KNTC1: variants seen among roughly 807,000 people sequenced by gnomAD.
The protein encoded by KNTC1 is kinetochore-associated protein 1.
KNTC1 carries 253 observed loss-of-function variants against 314.4 expected under a neutral mutation model. The observed-to-expected ratio is 0.80, with a 90% confidence interval of 0.73 to 0.89. The LOEUF (loss-of-function observed/expected upper bound fraction) is 0.89, where lower values mean the gene tolerates loss of function less well. Ranked by LOEUF, KNTC1 falls within the 40% of genes least tolerant of loss-of-function variation. The pLI is 0.00. For missense variants in KNTC1, 2,475 were observed against 2,572.9 expected (o/e 0.96, Z 0.82); for synonymous variants, 901 against 901.4 (o/e 1.00, Z 0.01).
intron 52 of KNTC1, among the ~76,000 whole-genome samples, chr12:122,610,576 A>C (rs540215442): frequency 6.6e-6 from 1 of 152,356 alleles, no homozygotes; most frequent in East Asian, 1.9e-4. Context: ...TTGACTAGCT[A>C]TTCTATAGAT....
At chr12:122,605,836 A>G (rs1355807397) in intron 51 of KNTC1, among the ~76,000 whole-genome samples, 1 of 151,410 alleles carries the variant, frequency 6.6e-6, no homozygotes, top group African/African-American at 2.4e-5. Context: ...GAGCCACTGC[A>G]CCTGGCCTCT....
intron 16 of KNTC1, among the ~76,000 whole-genome samples, chr12:122,554,076 A>AAAAAAAATATATATATATATAT (rs370146333): frequency 4.6e-5 from 5 of 109,046 alleles, no homozygotes; most frequent in African/African-American, 1.9e-4. Flanking sequence ...AAAAAAAAAA[A>AAAAAAAATATATATATATATAT]ATATATATAT....
chr12:122,590,285 C>T (rs1869999998), intron 40 of KNTC1, among the ~76,000 whole-genome samples: 2 of 151,682 alleles, frequency 1.3e-5, no homozygotes, highest in Admixed American at 6.6e-5. Flanking sequence ...GCTCTTTACC[C>T]CTAAATATTT....
intron 33 of KNTC1, among the ~76,000 whole-genome samples, chr12:122,581,801 T>C (rs956834776): frequency 6.6e-6 from 1 of 152,234 alleles, no homozygotes; most frequent in African/African-American, 2.4e-5. Flanking sequence ...GGATGCATTA[T>C]TAATTTTGTT....
chr12:122,621,943 G>A lies in KNTC1; in HGVS notation c.6342G>A (p.Thr2114=), dbSNP rs369999171. Residue 2114 remains threonine, a synonymous_variant, in exon 61 of 64, where the codon ACG becomes ACA. Transcript: ENST00000333479. The part of the protein sequence containing the change: ...ILKQLEEHMN[T]GQLAGFSHQI... The stretch of plus-strand genomic sequence containing the variant: ...AGCAATTGGAAGAGCATATGAACAC[G>A]GGCCAGCTAGCAGGATTTTCACATC... 1.1e-5 allele frequency: 18 copies of A among 1,608,402 alleles called. No homozygotes were observed. Among genetic ancestry groups the A allele is most frequent in the African/African-American group, 6.7e-5 (5 of 74,902 alleles).
intron 4 of KNTC1, among the ~76,000 whole-genome samples, chr12:122,539,459 G>T (rs1220552603): frequency 6.6e-6 from 1 of 152,176 alleles, no homozygotes; most frequent in African/African-American, 2.4e-5. Flanking sequence ...CTTAGGCCAG[G>T]TTTAGTAGGC....
At position 122,588,965 on chromosome 12, in the gene KNTC1, A is replaced by T. The variant is rs528951837; in HGVS notation, c.3999+149A>T. On this transcript the variant is annotated intron_variant, in intron 40 of 63. Coordinates refer to ENST00000333479, the MANE Select transcript of KNTC1 (RefSeq NM_014708.6). ...GAAACTGTCTTATAGCTAATCAATT[A>T]TATTTTTATTATGGTAATTGACATG... The T allele has an allele frequency of 6.3e-5, 28 of 446,108 alleles. 3 individuals carry two copies. The South Asian group carries it at 1.8e-3, about 29-fold the overall frequency. The allele number at this position is 446,108 out of a possible 1,614,324, so 27.6% of individuals were successfully genotyped here.
At chr12:122,527,942 G>A (rs1240788627) in intron 1 of KNTC1, among the ~76,000 whole-genome samples, 1 of 152,118 alleles carries the variant, frequency 6.6e-6, no homozygotes, top group African/African-American at 2.4e-5. Flanking sequence ...AAATCATTTA[G>A]CACTTTTTGT....
Position 122,594,277 on chromosome 12 carries a change from T to C in KNTC1, c.4247T>C (p.Ile1416Thr). Residue 1416 changes from isoleucine to threonine, a missense_variant and splice_region_variant, in exon 43 of 64, where the codon ATT (isoleucine) becomes ACT (threonine). By Grantham distance (89) the Ile-to-Thr change is moderately conservative. Coordinates refer to ENST00000333479, the MANE Select transcript of KNTC1 (RefSeq NM_014708.6). ...QWGIRLGKLG[I>T]SFQPVFRQHF... ...TTGTTTTTTTCTTTTTATTTCTAGA[T>C]TTCTTTTCAACCAGTTTTCAGGCAA... The C allele has an allele frequency of 5.1e-6, 8 of 1,571,984 alleles. No homozygotes were observed. Among genetic ancestry groups the C allele is most frequent in the Non-Finnish European group, 7.0e-6 (8 of 1,144,310 alleles).
intron 51 of KNTC1, among the ~76,000 whole-genome samples, chr12:122,607,637 C>T (rs1032342609): frequency 1.3e-5 from 2 of 152,132 alleles, no homozygotes; most frequent in Non-Finnish European, 2.9e-5. Context: ...ACGGTGTTGT[C>T]TGTTTCTCTA....
intron 51 of KNTC1, among the ~76,000 whole-genome samples, chr12:122,606,052 G>A (rs1872551499): frequency 6.6e-6 from 1 of 151,140 alleles, no homozygotes; most frequent in Admixed American, 6.6e-5. Flanking sequence ...GTAGAGACAG[G>A]GTCTCTCACT....
In KNTC1 at chr12:122,603,014, C is replaced by A. The variant is rs771453844; in HGVS notation, c.4885-13C>A. 5.2e-5 allele frequency: 84 copies of A among 1,610,500 alleles called. No individual in the cohort carries two copies. Among genetic ancestry groups the A allele is most frequent in the Non-Finnish European group, 6.7e-5 (79 of 1,177,858 alleles). ...AATATGTGCTTCAGCCATAACCTTC[C>A]TTTTCTTTGAAGTTCTCTCTGGACA... On this transcript the variant is annotated splice_polypyrimidine_tract_variant and intron_variant, in intron 47 of 63. Coordinates refer to ENST00000333479, the MANE Select transcript of KNTC1 (RefSeq NM_014708.6).
intron 40 of KNTC1, among the ~76,000 whole-genome samples, chr12:122,589,366 T>C (rs1256812406): frequency 6.6e-6 from 1 of 152,078 alleles, no homozygotes; most frequent in African/African-American, 2.4e-5. Context: ...TTAGATGTTT[T>C]TAAATATTAG....
intron 18 of KNTC1, 70 bp downstream of exon 18, chr12:122,557,759 G>A: frequency 2.9e-6 from 3 of 1,052,386 alleles, no homozygotes; most frequent in East Asian, 2.5e-5. Context: ...TCATAATCCT[G>A]CCTCAAATAT....
intron 9 of KNTC1, 65 bp downstream of exon 9, chr12:122,546,334 A>G (rs1239765818): frequency 1.2e-5 from 12 of 965,624 alleles, no homozygotes; most frequent in Non-Finnish European, 1.5e-5. Context: ...ATGTCAGTGT[A>G]CTTAGACTGA....
intron 26 of KNTC1, 49 bp from the exon 27 acceptor site, chr12:122,574,232 TA>T: frequency 9.2e-7 from 1 of 1,088,996 alleles, no homozygotes; most frequent in Non-Finnish European, 1.4e-6. Context: ...GGCATTTTTT[TA>T]ATGAGAATTT....
chr12:122,550,426 C>A (rs1963112336), intron 13 of KNTC1, among the ~76,000 whole-genome samples: 1 of 151,428 alleles, frequency 6.6e-6, no homozygotes, highest in Non-Finnish European at 1.5e-5. Flanking sequence ...ACCAATTGGG[C>A]CAATTACTTT....
At chr12:122,604,157 G>A (rs377174533) in intron 48 of KNTC1, among the ~76,000 whole-genome samples, 1 of 149,608 alleles carries the variant, frequency 6.7e-6, no homozygotes, top group South Asian at 2.1e-4. Context: ...TGATGAGAGG[G>A]CCCCGGTGGG....
intron 3 of KNTC1, among the ~76,000 whole-genome samples, chr12:122,537,421 ATTT>A (rs1003496632): frequency 7.1e-6 from 1 of 141,216 alleles, no homozygotes; most frequent in Non-Finnish European, 1.6e-5. Flanking sequence ...TTTATCAGCT[ATTT>A]TTTTTTTTTT....
Sources: allele counts gnomAD v4.1 joint callset (sites outside exome capture counted in the v4.1 genomes callset), GRCh38; gene constraint gnomAD v4.1.1; transcripts MANE v1.5; gene names NCBI Gene and HGNC (gene_info 2026-07-23, HGNC 2026-07-21).